Variants in EVPL observed in about 807,000 individuals in gnomAD.
EVPL encodes the protein envoplakin.
A neutral mutation model predicts 129.7 loss-of-function variants in EVPL; 94 were observed. The ratio of observed to expected loss-of-function variants is 0.72; its 90% CI spans 0.61 to 0.86. EVPL has a LOEUF of 0.86. Ranked by LOEUF, EVPL falls within the 40% of genes least tolerant of loss-of-function variation. EVPL has a pLI of 0.00. For synonymous variants in EVPL, 1,172 were observed against 1,191.1 expected (o/e 0.98, Z 0.33); for missense variants, 2,625 against 2,721.1 (o/e 0.96, Z 0.79).
rs2066377070 is a variant in EVPL at position 76,011,619 on chromosome 17, T to A, written c.2618A>T (p.Gln873Leu). 6.2e-7 allele frequency: 1 copy of A among 1,614,156 alleles called. No individual in the cohort carries two copies. The highest frequency in any genetic ancestry group is 2.2e-5 in the East Asian group (1 of 44,886). ...AGCAAACTCCAGCTGCTGGAGCAGC[T>A]GCTGCTGTGCTGCTGCAACCTCAGT... ...AYTEVAAAQQQLLQQLEFARK... is the reference protein window; with the variant it reads ...AYTEVAAAQQLLLQQLEFARK... Residue 873 changes from glutamine (Q) to leucine (L), a missense_variant, in exon 21 of 22, where the codon CAG (glutamine) becomes CTG (leucine). Around this residue, in one of 4 missense-constraint regions of EVPL, gnomAD observed 1,024 missense variants for 997.5 expected, o/e 1.03. Transcript: ENST00000301607.
At chr17:76,019,889 A>G (rs2066445555) in intron 9 of EVPL, among the ~76,000 whole-genome samples, 1 of 152,166 alleles carries the variant, frequency 6.6e-6, no homozygotes, top group Non-Finnish European at 1.5e-5. Context: ...AACCAGAAAA[A>G]CCTAAGCCAG....
In EVPL at chr17:76,027,110, C is replaced by T. The variant is rs772716975; in HGVS notation, c.89G>A (p.Arg30Lys). ...AKGSPKGSPS[R>K]HSRAATQELA... ...CCCCAGTCCCACTTACCGGCTGTGC[C>T]TGCTGGGGGAGCCTTTGGGGGACCC... Residue 30 changes from arginine (R) to lysine (K), a missense_variant, in exon 1 of 22, where the codon AGG becomes AAG. Around this residue, in one of 4 missense-constraint regions of EVPL, gnomAD observed 139 missense variants for 186.8 expected, o/e 0.74. Coordinates refer to ENST00000301607, the MANE Select transcript of EVPL (RefSeq NM_001988.4). 57 of 1,492,248 alleles carry T rather than the reference C, an allele frequency of 3.8e-5. No homozygotes were observed. The Middle Eastern group carries it at 1.4e-3, about 37-fold the overall frequency. 92.4% of individuals were successfully genotyped at this position (1,492,248 alleles called of 1,614,324 possible). A position where few individuals can be genotyped will look rare whatever the true frequency, so the allele number is the denominator to read the frequency against.
Position 76,015,596 on chromosome 17 carries a change from C to G in EVPL, c.1743G>C (p.Thr581=), listed in dbSNP as rs747064515. Residue 581 remains threonine (T), a synonymous_variant, in exon 15 of 22, where the codon ACG becomes ACC. Transcript: ENST00000301607. The part of the protein sequence containing the change: ...GTAQRLQSLG[T]EKETAQKECE... ...ACTCCTTCTGGGCTGTCTCCTTCTC[C>G]GTTCCCAGGCTCTGCAGGCGCTGGG... 1 of 1,613,490 alleles carries G rather than the reference C, an allele frequency of 6.2e-7. No homozygotes were observed. The highest frequency in any genetic ancestry group is 1.1e-5 in the South Asian group (1 of 91,076).
At chr17:76,025,685 C>A (rs932527244) in intron 1 of EVPL, among the ~76,000 whole-genome samples, 1 of 152,362 alleles carries the variant, frequency 6.6e-6, no homozygotes, top group South Asian at 2.1e-4. Context: ...CACCCAGCCT[C>A]GGTGTCTGTT....
chr17:76,025,361 T>C (rs1266923427), intron 1 of EVPL, among the ~76,000 whole-genome samples: 1 of 152,158 alleles, frequency 6.6e-6, no homozygotes, highest in African/African-American at 2.4e-5. Context: ...CCTAGAACAG[T>C]CCTGGCATAC....
chr17:76,008,835 T>G lies in EVPL; in HGVS notation c.4370A>C (p.Gln1457Pro). The change falls in exon 22 of 22, where the codon CAG becomes CCG. Residue 1457 changes from glutamine to proline, a missense_variant. This residue lies in a region of EVPL where 1,453 missense variants were observed against 1,511.8 expected (regional missense o/e 0.96). Coordinates refer to ENST00000301607, the MANE Select transcript of EVPL (RefSeq NM_001988.4). The surrounding 1 kb of genome is among the most constrained non-coding windows in gnomAD (Gnocchi z 7.4). ...CACTTCCTCCATGATGATCTTCTCC[T>G]GCACCGTGGGAGGCCGCTTCTCGAG... is the stretch of plus-strand genomic sequence containing the variant. ...QELEKRPPTV[Q>P]EKIIMEEVVK... The G allele has an allele frequency of 6.2e-7, 1 of 1,614,046 alleles. No individual in the cohort carries two copies. The highest frequency in any genetic ancestry group is 8.5e-7 in the Non-Finnish European group (1 of 1,179,994).
At chr17:76,021,826 C>T (rs1416263403) in intron 7 of EVPL, 41 bp downstream of exon 7, 7 of 1,566,786 alleles carry the variant, frequency 4.5e-6, no homozygotes, top group South Asian at 1.2e-5. Context: ...ACCCGGATGG[C>T]CCTGGCCGCC....
Position 76,007,559 on chromosome 17 carries a change from C to T in EVPL, c.5646G>A (p.Ala1882=), listed in dbSNP as rs536280285. ...TGTTCTCGATCAGGCCCCTCTCCAT[C>T]GCCTTGTGCACAGAGTAGCGCTCAC... ...LSRERYSVHK[A]MERGLIENTS... Residue 1882 remains alanine, a synonymous_variant, in exon 22 of 22, where the codon GCG becomes GCA. Transcript: ENST00000301607. This position sits in a 1 kb window ranked among gnomAD's most constrained non-coding sequence, Gnocchi z 8.8. The T allele has an allele frequency of 2.2e-5, 35 of 1,614,050 alleles. No homozygotes were observed. In the Middle Eastern group the frequency reaches 6.6e-4, roughly 30 times the overall value.
At chr17:76,020,456 C>A (rs1028888991) in intron 9 of EVPL, among the ~76,000 whole-genome samples, 3 of 152,198 alleles carry the variant, frequency 2.0e-5, no homozygotes, top group African/African-American at 7.2e-5. Context: ...CTTGTCCCAG[C>A]CCCGGAGAAG....
chr17:76,014,722 C>G (rs938647450), intron 17 of EVPL, 146 bp from the exon 18 acceptor site: 1 of 1,256,274 alleles, frequency 8.0e-7, no homozygotes, highest in African/African-American at 1.5e-5. Flanking sequence ...CTCCCTGACC[C>G]TGGGAATTCA....
In EVPL at chr17:76,007,164, G is replaced by T; in HGVS notation, c.6041C>A (p.Ala2014Glu). 1 of 1,511,042 alleles carries T rather than the reference G, an allele frequency of 6.6e-7. No individual in the cohort carries two copies. The allele number at this position is 1,511,042 out of a possible 1,614,324, so 93.6% of individuals were successfully genotyped here. The change falls in exon 22 of 22, where the codon GCA becomes GAA. Residue 2014 changes from alanine (A) to glutamate (E), a missense_variant. Around this residue, in one of 4 missense-constraint regions of EVPL, gnomAD observed 1,453 missense variants for 1,511.8 expected, o/e 0.96. Coordinates refer to ENST00000301607, the MANE Select transcript of EVPL (RefSeq NM_001988.4). This position sits in a 1 kb window ranked among gnomAD's most constrained non-coding sequence, Gnocchi z 8.8. ...GCGGTAGCAGCGGTACCCCTCCAGT[G>T]CCGCTGGCAGGAGCAGCAGGCCGCT... ...PLSGLLLLPA[A>E]LEGYRCYRSA...
At chr17:76,021,273 CT>C (rs1440209972) in intron 9 of EVPL, among the ~76,000 whole-genome samples, 194 bp downstream of exon 9, 10 of 152,288 alleles carry the variant, frequency 6.6e-5, no homozygotes, top group Non-Finnish European at 1.5e-4. Flanking sequence ...CCAGGCTGAT[CT>C]CGAACTCCTG....
Position 76,009,284 on chromosome 17 carries a change from C to T in EVPL, c.3921G>A (p.Lys1307=). ...CCTTGCTCACCGTCTTGGTCTCCAC[C>T]TTGGCCCGCTCGCGCCTCCACTCGT... ...ERDEWRRERA[K]VETKTVSKEV... is the part of the protein sequence containing the mutation. The change falls in exon 22 of 22, where the codon AAG becomes AAA. Residue 1307 remains lysine (K), a synonymous_variant. Transcript: ENST00000301607. The surrounding 1 kb of genome is among the most constrained non-coding windows in gnomAD (Gnocchi z 5.9). 1 of 1,608,214 alleles carries T rather than the reference C, an allele frequency of 6.2e-7. No homozygotes were observed. The highest frequency in any genetic ancestry group is 8.5e-7 in the Non-Finnish European group (1 of 1,179,910).
chr17:76,018,899 T>C lies in EVPL; in HGVS notation c.1284+15A>G, dbSNP rs1298289359. ...GGGCTGGATGGTGGCAGGGGTGAGG[T>C]GGGGGAGTTCGCACTTCTCCTGAGT... On this transcript the variant is annotated intron_variant, in intron 11 of 21. Transcript: ENST00000301607. 1 of 1,508,484 alleles carries C rather than the reference T, an allele frequency of 6.6e-7. No homozygotes were observed. The highest frequency in any genetic ancestry group is 2.4e-5 in the East Asian group (1 of 41,030). The allele number at this position is 1,508,484 out of a possible 1,614,324, so 93.4% of individuals were successfully genotyped here. A position where few individuals can be genotyped will look rare whatever the true frequency, so the allele number is the denominator to read the frequency against.
At chr17:76,020,257 GCGGCAGGAC>G (rs1173615879) in intron 9 of EVPL, among the ~76,000 whole-genome samples, 1 of 152,156 alleles carries the variant, frequency 6.6e-6, no homozygotes, top group Non-Finnish European at 1.5e-5. Context: ...TCCTACCCAG[GCGGCAGGAC>G]CTTTTATCAC....
intron 9 of EVPL, 102 bp downstream of exon 9, chr17:76,021,366 A>T: frequency 9.1e-7 from 1 of 1,100,318 alleles, no homozygotes; most frequent in Non-Finnish European, 1.3e-6. Flanking sequence ...AGCTCTGTCT[A>T]GTTGGGAGGT....
Position 76,007,018 on chromosome 17 carries a change from TG to T in EVPL, c.*84del. On this transcript the variant is annotated 3_prime_UTR_variant, in exon 22 of 22. Transcript: ENST00000301607. The surrounding 1 kb of genome is among the most constrained non-coding windows in gnomAD (Gnocchi z 8.8). ...TTGGACAGAGGGAAGACCCACTGCC[TG>T]GGATGAGGCTGCTCTGAGGCAAGAG... The T allele has an allele frequency of 2.4e-6, 3 of 1,272,666 alleles. No homozygotes were observed. Among genetic ancestry groups the T allele is most frequent in the Non-Finnish European group, 3.0e-6 (3 of 1,004,926 alleles). 78.8% of individuals were successfully genotyped at this position (1,272,666 alleles called of 1,614,324 possible).
In EVPL at chr17:76,009,014, C is replaced by T. The variant is rs1317734041; in HGVS notation, c.4191G>A (p.Glu1397=). The change falls in exon 22 of 22, where the codon GAG becomes GAA. Residue 1397 remains glutamate (E), a synonymous_variant. Transcript: ENST00000301607. The surrounding 1 kb of genome is among the most constrained non-coding windows in gnomAD (Gnocchi z 5.9). ...EHSRLSGSLD[E]EVGRRRQLEL... is the part of the protein sequence containing the mutation. ...CTAGCTGGCGCCGCCGGCCCACCTCCTCATCCAGGCTCCCGCTCAGCCGGC... is the reference window on the plus strand; with the variant it reads ...CTAGCTGGCGCCGCCGGCCCACCTCTTCATCCAGGCTCCCGCTCAGCCGGC... 2.5e-6 allele frequency: 4 copies of T among 1,612,842 alleles called. No individual in the cohort carries two copies. Among genetic ancestry groups the T allele is most frequent in the African/African-American group, 1.3e-5 (1 of 74,934 alleles).
rs202082162 is a variant in EVPL at position 76,022,367 on chromosome 17, C to T, written c.606+46G>A. 53 of 1,610,940 alleles carry T rather than the reference C, an allele frequency of 3.3e-5. No individual in the cohort carries two copies. The highest frequency in any genetic ancestry group is 4.0e-5 in the Non-Finnish European group (47 of 1,178,752). On this transcript the variant is annotated intron_variant, in intron 5 of 21. Transcript: ENST00000301607. The surrounding 1 kb of genome is among the most constrained non-coding windows in gnomAD (Gnocchi z 5.6). ...CTAGCTCCGGCTCTGACTGGAGAAA[C>T]GGGCTGGGGCTGGCCCCGGATGTGA...
Sources: gnomAD v4.1 joint callset for allele counts (sites outside exome capture counted in the v4.1 genomes callset) on GRCh38, gnomAD v4.1.1 for gene constraint, gnomAD v4.1.1 regional missense constraint, Gnocchi (gnomAD v3.1) non-coding constraint, MANE v1.5 for transcripts, NCBI Gene and HGNC (gene_info 2026-07-23, HGNC 2026-07-21) for gene names.